The following MDGA2 variants were observed in gnomAD, a reference collection of about 807,000 sequenced individuals.
MDGA2 encodes the protein MAM domain-containing glycosylphosphatidylinositol anchor protein 2.
A neutral mutation model predicts 117.8 loss-of-function variants in MDGA2; 40 were observed. The ratio of observed to expected loss-of-function variants is 0.34; its 90% CI spans 0.26 to 0.44. The LOEUF is 0.44. MDGA2 is among the 20% of genes least tolerant of loss of function. MDGA2 has a pLI of 1.00. For synonymous variants in MDGA2, 452 were observed against 439.0 expected, an observed-to-expected ratio of 1.03 and a Z score of -0.37; for missense variants, 1,123 against 1,250.6, an observed-to-expected ratio of 0.90 and a Z score of 1.54.
chr14:46,893,812 G>A (rs1386561109), intron 10 of MDGA2, among the ~76,000 whole-genome samples: 1 of 151,938 alleles, frequency 6.6e-6, no homozygotes, highest in Non-Finnish European at 1.5e-5. Flanking sequence ...AGTACAAATT[G>A]TACTGTCAGT....
At chr14:47,269,837 T>C (rs150759732) in intron 2 of MDGA2, among the ~76,000 whole-genome samples, 2 of 152,258 alleles carry the variant, frequency 1.3e-5, no homozygotes, top group African/African-American at 4.8e-5. Context: ...TCATCTATAT[T>C]CTTAGATTCT....
intron 8 of MDGA2, among the ~76,000 whole-genome samples, chr14:46,980,086 C>A (rs1886610790): frequency 6.6e-6 from 1 of 152,146 alleles, no homozygotes; most frequent in Non-Finnish European, 1.5e-5. Context: ...TGCTCAATTG[C>A]CATTCCAAAA....
intron 1 of MDGA2, among the ~76,000 whole-genome samples, chr14:47,466,760 A>G (rs542992396): frequency 1.3e-5 from 2 of 152,126 alleles, no homozygotes; most frequent in African/African-American, 4.8e-5. Context: ...CTTTCTGTAC[A>G]TACACATACA....
intron 2 of MDGA2, among the ~76,000 whole-genome samples, chr14:47,242,657 G>T (rs1057117278): frequency 6.6e-6 from 1 of 151,898 alleles, no homozygotes; most frequent in East Asian, 1.9e-4. Context: ...TCGATTTCTC[G>T]CTGGGCCTTG....
intron 10 of MDGA2, among the ~76,000 whole-genome samples, chr14:46,908,077 A>G (rs1419612770): frequency 6.6e-6 from 1 of 152,210 alleles, no homozygotes; most frequent in Non-Finnish European, 1.5e-5. Context: ...CACCACTATC[A>G]TATCAGAAAT....
Position 47,051,516 on chromosome 14 carries a change from T to G in MDGA2, c.1525+9733A>C, listed in dbSNP as rs182492287. Among the ~76,000 whole-genome samples the G allele has an allele frequency of 4.7e-4, 72 of 151,982 alleles. No individual in the cohort carries two copies. In the East Asian group the frequency reaches 6.6e-3, roughly 14 times the overall value. On this transcript the variant is annotated intron_variant, in intron 7 of 16. Coordinates refer to ENST00000399232, the MANE Select transcript of MDGA2 (RefSeq NM_001113498.3). ...TGAATGAAAAATAATCAAAAGATTA[T>G]GAAAATTAGGTTCTTTTAAAACTGA...
At chr14:47,630,434 G>C (rs554809955) in intron 1 of MDGA2, among the ~76,000 whole-genome samples, 56 of 152,268 alleles carry the variant, frequency 3.7e-4, no homozygotes, top group African/African-American at 1.3e-3. Flanking sequence ...GTATGTCAAA[G>C]ATTATGTAAT....
intron 10 of MDGA2, among the ~76,000 whole-genome samples, chr14:46,907,617 T>C (rs748209467): frequency 3.8e-4 from 58 of 152,212 alleles, no homozygotes; most frequent in Non-Finnish European, 5.9e-4. Context: ...TGCATACTTA[T>C]GTGTTGCTCT....
intron 8 of MDGA2, among the ~76,000 whole-genome samples, chr14:46,997,931 C>A (rs548551005): frequency 2.0e-5 from 3 of 152,104 alleles, no homozygotes; most frequent in East Asian, 3.9e-4. Flanking sequence ...CATCAACAAT[C>A]AAAACTTCTG....
At chr14:47,513,034 T>G (rs1894674623) in intron 1 of MDGA2, among the ~76,000 whole-genome samples, 1 of 152,114 alleles carries the variant, frequency 6.6e-6, no homozygotes, top group African/African-American at 2.4e-5. Flanking sequence ...AGATAAGAAC[T>G]GTTTCACCAT....
At chr14:47,446,318 G>A (rs1312938034) in intron 1 of MDGA2, among the ~76,000 whole-genome samples, 1 of 152,118 alleles carries the variant, frequency 6.6e-6, no homozygotes, top group Non-Finnish European at 1.5e-5. Context: ...GATTATACAA[G>A]AAATCTGAGT....
intron 6 of MDGA2, among the ~76,000 whole-genome samples, chr14:47,069,505 G>A (rs994403039): frequency 3.9e-5 from 6 of 152,100 alleles, no homozygotes; most frequent in Non-Finnish European, 5.9e-5. Context: ...TCTAACATTC[G>A]AAAATAAATT....
At chr14:46,888,883 A>G (rs1882769938) in intron 10 of MDGA2, among the ~76,000 whole-genome samples, 2 of 151,984 alleles carry the variant, frequency 1.3e-5, no homozygotes, top group South Asian at 2.1e-4. Context: ...AGATTGATAT[A>G]TCCATTTTAT....
chr14:47,486,311 G>C (rs1894060096), intron 1 of MDGA2, among the ~76,000 whole-genome samples: 1 of 152,178 alleles, frequency 6.6e-6, no homozygotes, highest in African/African-American at 2.4e-5. Flanking sequence ...TAGCTCCTTT[G>C]TATTGGCAAA....
intron 7 of MDGA2, among the ~76,000 whole-genome samples, chr14:47,053,269 G>A (rs1416016209): frequency 6.6e-6 from 1 of 151,652 alleles, no homozygotes; most frequent in Non-Finnish European, 1.5e-5. Flanking sequence ...CTTCTTGGGT[G>A]AGCCCATCTG....
At chr14:46,975,901 C>T (rs1886440589) in intron 8 of MDGA2, among the ~76,000 whole-genome samples, 2 of 152,046 alleles carry the variant, frequency 1.3e-5, no homozygotes, top group African/African-American at 4.8e-5. Flanking sequence ...CAATCTTGAA[C>T]CTCTTTTATA....
intron 1 of MDGA2, among the ~76,000 whole-genome samples, chr14:47,341,992 A>T (rs1355918245): frequency 6.6e-6 from 1 of 151,926 alleles, no homozygotes; most frequent in Non-Finnish European, 1.5e-5. Flanking sequence ...GGCCAGCACC[A>T]CCAGGCCCGG....
At chr14:47,280,240 G>C (rs779881651) in intron 2 of MDGA2, among the ~76,000 whole-genome samples, 35 of 146,932 alleles carry the variant, frequency 2.4e-4, no homozygotes, top group Non-Finnish European at 4.0e-4. Context: ...CTTGCACCCG[G>C]GAGGCAGAGG....
intron 1 of MDGA2, among the ~76,000 whole-genome samples, chr14:47,657,014 A>C (rs2138282471): frequency 6.6e-6 from 1 of 152,256 alleles, no homozygotes; most frequent in South Asian, 2.1e-4. Flanking sequence ...TGCTGTAAGA[A>C]AGCCCAAAGT....
Sources: allele counts gnomAD v4.1 joint callset (sites outside exome capture counted in the v4.1 genomes callset), GRCh38; gene constraint gnomAD v4.1.1; transcripts MANE v1.5; gene names NCBI Gene and HGNC (gene_info 2026-07-23, HGNC 2026-07-21).